The following MAST1 variants were observed in gnomAD, a reference collection of about 807,000 sequenced individuals.
MAST1 encodes microtubule associated serine/threonine kinase 1.
MAST1 carries 40 observed loss-of-function variants against 124.6 expected under a neutral mutation model. The ratio of observed to expected loss-of-function variants is 0.32; its 90% confidence interval spans 0.25 to 0.42. The LOEUF (loss-of-function observed/expected upper bound fraction) is 0.42. MAST1 is among the 10% of genes least tolerant of loss of function. The pLI is 1.00. For missense variants in MAST1, 1,558 were observed against 2,181.9 expected, an observed-to-expected ratio of 0.71 and a Z score of 5.70; for synonymous variants, 938 against 939.4, an observed-to-expected ratio of 1.00 and a Z score of 0.03.
Position 12,841,062 on chromosome 19 carries a change from C to A in MAST1, c.244C>A (p.Arg82=). 6.6e-7 allele frequency: 1 copy of A among 1,504,552 alleles called. No homozygotes were observed. The highest frequency in any genetic ancestry group is 9.3e-7 in the Non-Finnish European group (1 of 1,079,638). 93.2% of individuals were successfully genotyped at this position (1,504,552 alleles called of 1,614,324 possible). A position where few individuals can be genotyped will look rare whatever the true frequency, so the allele number is the denominator to read the frequency against. The change falls in exon 3 of 26, where the codon CGA becomes AGA. Residue 82 remains arginine, a synonymous_variant. Coordinates refer to ENST00000251472, the MANE Select transcript of MAST1 (RefSeq NM_014975.3). This position sits in a 1 kb window ranked among gnomAD's most constrained non-coding sequence, Gnocchi z 4.3. ...CGCCCACTTCTCGTTTGCCTCCTCC[C>A]GAAGGTGAGTCCCTCCCCTCCAGGG... ...TPAHFSFASS[R]RADGRRWSLA...
rs773234434 is a variant in MAST1 at position 12,847,842 on chromosome 19, CCG to C, written c.565-4_565-3del. ...GCCCCGCGCCCCTCCTCCGTCCCTC[CCG>C]CAGGCCACTGCGCAGATGGAGGAGA... On this transcript the variant is annotated splice_polypyrimidine_tract_variant and splice_region_variant and intron_variant, in intron 6 of 25. Coordinates refer to ENST00000251472, the MANE Select transcript of MAST1 (RefSeq NM_014975.3). This position sits in a 1 kb window ranked among gnomAD's most constrained non-coding sequence, Gnocchi z 5.5. The C allele has an allele frequency of 6.2e-7, 1 of 1,606,728 alleles. No homozygotes were observed. The highest frequency in any genetic ancestry group is 2.2e-5 in the East Asian group (1 of 44,512).
chr19:12,866,900 T>G lies in MAST1; in HGVS notation c.2139+138T>G, dbSNP rs1970161668. On this transcript the variant is annotated intron_variant, in intron 18 of 25. Transcript: ENST00000251472. The surrounding 1 kb of genome is among the most constrained non-coding windows in gnomAD (Gnocchi z 5.2). ...GATGGGGCGGGAGTCTGGAAGGTGG[T>G]AAGGCCACGCAAGAGGCAGGTTCGG... 1.5e-6 allele frequency: 1 copy of G among 687,034 alleles called. No individual in the cohort carries two copies. The highest frequency in any genetic ancestry group is 1.7e-5 in the South Asian group (1 of 57,900). The allele number at this position is 687,034 out of a possible 1,614,324, so 42.6% of individuals were successfully genotyped here. A position where few individuals can be genotyped will look rare whatever the true frequency, so the allele number is the denominator to read the frequency against.
intron 3 of MAST1, among the ~76,000 whole-genome samples, chr19:12,842,833 A>C (rs1969848478): frequency 6.6e-6 from 1 of 152,146 alleles, no homozygotes; most frequent in Non-Finnish European, 1.5e-5. Context: ...GAGTGTGAGT[A>C]CTGAGTGGAA....
In MAST1 at chr19:12,840,450, C is replaced by T. The variant is rs892757143; in HGVS notation, c.88C>T (p.Arg30Cys). 1 of 1,612,236 alleles carries T rather than the reference C, an allele frequency of 6.2e-7. No homozygotes were observed. Among genetic ancestry groups the T allele is most frequent in the African/African-American group, 1.3e-5 (1 of 74,876 alleles). ...CCTGCCTTACCTTCCCCGCAGCTGCCGCACCAGTAATCGGAAAAGCCTCAT... is the reference window on the plus strand; with the variant it reads ...CCTGCCTTACCTTCCCCGCAGCTGCTGCACCAGTAATCGGAAAAGCCTCAT... ...GSMFRRTKSCRTSNRKSLILT... is the reference protein window; with the variant it reads ...GSMFRRTKSCCTSNRKSLILT... Residue 30 changes from arginine to cysteine, a missense_variant, in exon 2 of 26, where the codon CGC becomes TGC. By Grantham distance (180) the Arg-to-Cys change is radical (BLOSUM62 -3). This residue lies in a region of MAST1 where 42 missense variants were observed against 54.6 expected (regional missense o/e 0.77). Transcript: ENST00000251472.
intron 4 of MAST1, among the ~76,000 whole-genome samples, chr19:12,846,604 C>T (rs963510105): frequency 6.6e-6 from 1 of 151,436 alleles, no homozygotes; most frequent in African/African-American, 2.4e-5. Flanking sequence ...AGGCTGGGTG[C>T]GGTGGCTTGT....
chr19:12,867,829 C>T lies in MAST1; in HGVS notation c.2418C>T (p.Arg806=), dbSNP rs775003148. The T allele has an allele frequency of 3.8e-6, 6 of 1,597,640 alleles. No individual in the cohort carries two copies. The Admixed American group carries it at 5.3e-5, about 14-fold the overall frequency. ...TCTCGGCGCTGCTGGAGCCCAGCCGCTTCAGCGCCCCCCAAGAGGACGAGG... is the reference window on the plus strand; with the variant it reads ...TCTCGGCGCTGCTGGAGCCCAGCCGTTTCAGCGCCCCCCAAGAGGACGAGG... ...RRFSALLEPS[R]FSAPQEDEDE... Residue 806 remains arginine, a synonymous_variant, in exon 20 of 26, where the codon CGC becomes CGT. Coordinates refer to ENST00000251472, the MANE Select transcript of MAST1 (RefSeq NM_014975.3).
Position 12,865,249 on chromosome 19 carries a change from T to TG in MAST1, c.1639-61dup. On this transcript the variant is annotated intron_variant, in intron 14 of 25. Coordinates refer to ENST00000251472, the MANE Select transcript of MAST1 (RefSeq NM_014975.3). The surrounding 1 kb of genome is among the most constrained non-coding windows in gnomAD (Gnocchi z 7.1). Reference sequence around the variant, plus strand: ...AGGACCTCGGGAACCCAGGGCCTGGTGGGGGGCACAGCTCTCCCTTGAGGG... The same window carrying TG: ...AGGACCTCGGGAACCCAGGGCCTGGTGGGGGGGCACAGCTCTCCCTTGAGGG... 1 of 1,587,290 alleles carries TG rather than the reference T, an allele frequency of 6.3e-7. No homozygotes were observed.
At chr19:12,849,883 C>T (rs1451374487) in intron 7 of MAST1, among the ~76,000 whole-genome samples, 1 of 151,922 alleles carries the variant, frequency 6.6e-6, no homozygotes, top group East Asian at 2.0e-4. Flanking sequence ...CTGCAACCTC[C>T]ACCTCTCAGG....
intron 12 of MAST1, among the ~76,000 whole-genome samples, chr19:12,862,000 T>TA (rs1970089629): frequency 3.2e-5 from 2 of 63,258 alleles, no homozygotes; most frequent in Non-Finnish European, 6.2e-5. Flanking sequence ...CGTGCCTGCC[T>TA]TTTTTTTTTT....
In MAST1 at chr19:12,874,126, C is replaced by G; in HGVS notation, c.3969C>G (p.Pro1323=). Residue 1323 remains proline (P), a synonymous_variant, in exon 26 of 26, where the codon CCC becomes CCG. Transcript: ENST00000251472. The surrounding 1 kb of genome is among the most constrained non-coding windows in gnomAD (Gnocchi z 6.6). The stretch of plus-strand genomic sequence containing the variant: ...CCCCAGTCGAGGGCCTTGGCGCGCC[C>G]CGGCAGGTCGCCGTCCGCCGCCTGG... ...ETPPVEGLGA[P]RQVAVRRLGR... is the part of the protein sequence containing the mutation. 6.5e-7 allele frequency: 1 copy of G among 1,543,922 alleles called. No individual in the cohort carries two copies. Among genetic ancestry groups the G allele is most frequent in the Non-Finnish European group, 8.7e-7 (1 of 1,147,060 alleles).
intron 7 of MAST1, among the ~76,000 whole-genome samples, chr19:12,849,570 A>G (rs1173197817): frequency 2.6e-5 from 4 of 151,978 alleles, no homozygotes; most frequent in Non-Finnish European, 4.4e-5. Context: ...AGGCTGAAGC[A>G]GGAGAATCGC....
intron 7 of MAST1, 98 bp downstream of exon 7, chr19:12,848,155 C>T: frequency 8.6e-7 from 1 of 1,165,066 alleles, no homozygotes; most frequent in Non-Finnish European, 1.2e-6. Context: ...CAGGGAGCTC[C>T]TACCACGTTC....
At chr19:12,867,285 C>T (rs544193656) in intron 18 of MAST1, among the ~76,000 whole-genome samples, 189 bp from the exon 19 acceptor site, 2 of 152,030 alleles carry the variant, frequency 1.3e-5, no homozygotes, top group African/African-American at 2.4e-5. Context: ...TAGAATAAAA[C>T]GCAGTGCCTA....
Position 12,843,718 on chromosome 19 carries a change from G to A in MAST1, c.327+111G>A. 1.1e-6 allele frequency: 1 copy of A among 888,954 alleles called. No individual in the cohort carries two copies. The highest frequency in any genetic ancestry group is 1.7e-6 in the Non-Finnish European group (1 of 577,688). 55.1% of individuals were successfully genotyped at this position (888,954 alleles called of 1,614,324 possible). On this transcript the variant is annotated intron_variant, in intron 4 of 25. Transcript: ENST00000251472. The surrounding 1 kb of genome is among the most constrained non-coding windows in gnomAD (Gnocchi z 4.9). ...CCAGGCTGGGCTTGATGACAGTTTA[G>A]GGCCAGGCTCAGTGACTCAAGCCTG...
intron 1 of MAST1, among the ~76,000 whole-genome samples, chr19:12,839,234 A>G (rs1053486578): frequency 6.6e-6 from 1 of 151,156 alleles, no homozygotes. Context: ...ACACATACAC[A>G]CAACAGCCCT....
chr19:12,847,270 G>T lies in MAST1; in HGVS notation c.328-20G>T, dbSNP rs376692361. ...GGGGGCCCATGGTGGCTCTGACCCC[G>T]GCCCTGCCCCTGTCCCCAGTCCTCC... On this transcript the variant is annotated intron_variant, in intron 4 of 25. Transcript: ENST00000251472. The surrounding 1 kb of genome is among the most constrained non-coding windows in gnomAD (Gnocchi z 5.5). The T allele has an allele frequency of 1.3e-6, 2 of 1,585,538 alleles. No individual in the cohort carries two copies. Among genetic ancestry groups the T allele is most frequent in the East Asian group, 2.2e-5 (1 of 44,718 alleles).
At chr19:12,873,548 G>C in intron 25 of MAST1, 37 bp downstream of exon 25, 2 of 1,585,432 alleles carry the variant, frequency 1.3e-6, no homozygotes, top group South Asian at 2.2e-5. Context: ...ACCGAGCAGC[G>C]CGGGGTGGCC....
At chr19:12,846,300 G>A (rs1124820) in intron 4 of MAST1, among the ~76,000 whole-genome samples, 50,808 of 151,582 alleles carry the variant, frequency 0.34, 9,087 homozygotes, top group East Asian at 0.62. Flanking sequence ...TGATCCTCCC[G>A]CCTTCGCCTC....
Position 12,852,342 on chromosome 19 carries a change from G to C in MAST1, c.1024G>C (p.Glu342Gln). The C allele has an allele frequency of 2.5e-6, 4 of 1,614,048 alleles. No individual in the cohort carries two copies. The highest frequency in any genetic ancestry group is 3.4e-6 in the Non-Finnish European group (4 of 1,180,002). ...TCCCTCCCTAGATGTGGTGCATCTG[G>C]AGGAACAGGACAGTGGTGGTTCCAA... ...RDPFPDVVHL[E>Q]EQDSGGSNTP... Residue 342 changes from glutamate (E) to glutamine (Q), a missense_variant, in exon 10 of 26, where the codon GAG (glutamate) becomes CAG (glutamine). Transcript: ENST00000251472.
Sources: allele counts gnomAD v4.1 joint callset (sites outside exome capture counted in the v4.1 genomes callset), GRCh38; gene constraint gnomAD v4.1.1; regional missense constraint gnomAD v4.1.1; non-coding constraint Gnocchi (gnomAD v3.1); transcripts MANE v1.5; gene names NCBI Gene and HGNC (gene_info 2026-07-23, HGNC 2026-07-21).